TLE5: variants seen among roughly 807,000 people sequenced by gnomAD.
TLE5 encodes TLE family member 5.
A neutral mutation model predicts 25.8 loss-of-function variants in TLE5; 7 were observed. The observed-to-expected ratio is 0.27, with a 90% CI of 0.15 to 0.51. The LOEUF is 0.51. Ranked by LOEUF, TLE5 falls within the 20% of genes least tolerant of loss-of-function variation. The pLI is 0.97. For missense variants in TLE5, 149 were observed against 250.7 expected, an observed-to-expected ratio of 0.59 and a Z score of 2.74; for synonymous variants, 132 against 110.5, an observed-to-expected ratio of 1.20 and a Z score of -1.22.
Position 3,053,594 on chromosome 19 carries a change from C to A in TLE5, c.*225G>T. On this transcript the variant is annotated 3_prime_UTR_variant, in exon 7 of 7. Coordinates refer to ENST00000327141, the MANE Select transcript of TLE5 (RefSeq NM_001130.6). The stretch of plus-strand genomic sequence containing the variant: ...CCTCACATGTCAGGGCAGGTATCCA[C>A]CTAACCAGGCTGCAGGGGAGGAGGA... 1.7e-6 allele frequency: 1 copy of A among 598,610 alleles called. No homozygotes were observed. 37.1% of individuals were successfully genotyped at this position (598,610 alleles called of 1,614,324 possible). A position where few individuals can be genotyped will look rare whatever the true frequency, so the allele number is the denominator to read the frequency against.
chr19:3,059,514 C>A (rs559372862), intron 2 of TLE5, among the ~76,000 whole-genome samples: 1 of 152,238 alleles, frequency 6.6e-6, no homozygotes. Context: ...GAGCAAGACT[C>A]CGTCTCAAAA....
chr19:3,058,150 G>A (rs569157568), intron 2 of TLE5, among the ~76,000 whole-genome samples: 2 of 152,044 alleles, frequency 1.3e-5, no homozygotes, highest in South Asian at 2.1e-4. Flanking sequence ...CTGTAAGAAG[G>A]GGGTGATGAA....
chr19:3,062,631 G>A (rs2090282248), upstream of TLE5: 1 of 1,173,712 alleles, frequency 8.5e-7, no homozygotes. Flanking sequence ...CCCGTGGCCC[G>A]CCCGCCGCGG....
chr19:3,054,285 AC>A, intron 5 of TLE5, 91 bp from the exon 6 acceptor site: 4 of 1,263,088 alleles, frequency 3.2e-6, no homozygotes, highest in Non-Finnish European at 4.5e-6. Context: ...GAGGAGCCCC[AC>A]TACCAAGTGG....
At chr19:3,057,589 G>A (rs1406004694) in intron 3 of TLE5, 90 bp downstream of exon 3, 19 of 1,300,562 alleles carry the variant, frequency 1.5e-5, no homozygotes, top group Admixed American at 5.1e-5. Context: ...AGGTGGCCGG[G>A]GTTGAGGGAG....
intron 2 of TLE5, among the ~76,000 whole-genome samples, chr19:3,060,328 C>CTTTCT (rs2090254809): frequency 1.1e-5 from 1 of 93,216 alleles, no homozygotes; most frequent in African/African-American, 4.4e-5. Context: ...TTTTTTCTTT[C>CTTTCT]TTTTTTTTTT....
At chr19:3,058,800 T>A (rs975559863) in intron 2 of TLE5, among the ~76,000 whole-genome samples, 3 of 152,136 alleles carry the variant, frequency 2.0e-5, no homozygotes, top group African/African-American at 7.2e-5. Context: ...TCCTTTAACC[T>A]ACTTAAATCC....
intron 5 of TLE5, chr19:3,055,455 C>T (rs901990421): frequency 2.3e-5 from 9 of 393,816 alleles, no homozygotes; most frequent in African/African-American, 1.2e-4. Context: ...GGGTGAGGCC[C>T]GCCCCCCACA....
At chr19:3,054,453 G>A (rs972175483) in intron 5 of TLE5, 1 of 576,520 alleles carries the variant, frequency 1.7e-6, no homozygotes, top group African/African-American at 1.9e-5. Context: ...GTGCTAAGTA[G>A]TTAGGAAACA....
chr19:3,055,454 C>T (rs72973299), intron 5 of TLE5: 6 of 393,752 alleles, frequency 1.5e-5, no homozygotes, highest in Admixed American at 4.4e-5. Flanking sequence ...AGGGTGAGGC[C>T]CGCCCCCCAC....
Position 3,061,261 on chromosome 19 carries a change from T to C in TLE5, c.28-4A>G, listed in dbSNP as rs756158743. On this transcript the variant is annotated splice_polypyrimidine_tract_variant and splice_region_variant and intron_variant, in intron 1 of 6. Coordinates refer to ENST00000327141, the MANE Select transcript of TLE5 (RefSeq NM_001130.6). The stretch of plus-strand genomic sequence containing the variant: ...GCTGGGGTAGGTGCGAGGAGCCCTG[T>C]AGGGATGGGGCGGCCCGGGTCAGGC... The C allele has an allele frequency of 3.1e-6, 5 of 1,611,200 alleles. No homozygotes were observed. The East Asian group carries it at 8.9e-5, about 29-fold the overall frequency.
intron 2 of TLE5, among the ~76,000 whole-genome samples, chr19:3,060,282 G>C (rs915127723): frequency 6.6e-6 from 1 of 150,750 alleles, no homozygotes; most frequent in African/African-American, 2.4e-5. Context: ...CACCCCCGAG[G>C]AAATAACATC....
intron 3 of TLE5, chr19:3,056,700 CTT>C (rs770618709): frequency 1.9e-5 from 9 of 462,506 alleles, no homozygotes; most frequent in Non-Finnish European, 3.7e-5. Flanking sequence ...CTTTCTATGT[CTT>C]GTCTGCGGGT....
intron 3 of TLE5, chr19:3,056,729 G>A (rs1219262828): frequency 2.6e-5 from 10 of 382,240 alleles, no homozygotes; most frequent in Non-Finnish European, 3.6e-5. Context: ...AGACGCCAGG[G>A]AAGTTTGCCT....
At position 3,053,177 on chromosome 19, in the gene TLE5, A is replaced by G. The variant is rs2090188140; in HGVS notation, c.*642T>C. 6.6e-6 allele frequency: 1 copy of G among 151,876 alleles called. No individual in the cohort carries two copies. The highest frequency in any genetic ancestry group is 2.4e-5 in the African/African-American group (1 of 41,270). 9.4% of individuals were successfully genotyped at this position (151,876 alleles called of 1,614,324 possible). A position where few individuals can be genotyped will look rare whatever the true frequency, so the allele number is the denominator to read the frequency against. ...AGACAACTTTAGTACCCTCATCTTT[A>G]TTTGGGAAGGGGAGGGGGAATCCTG... is the stretch of plus-strand genomic sequence containing the variant. On this transcript the variant is annotated 3_prime_UTR_variant, in exon 7 of 7. Coordinates refer to ENST00000327141, the MANE Select transcript of TLE5 (RefSeq NM_001130.6).
Position 3,061,231 on chromosome 19 carries a change from G to T in TLE5, c.54C>A (p.Leu18=). The T allele has an allele frequency of 6.2e-7, 1 of 1,613,674 alleles. No homozygotes were observed. ...HSGSSHLPQQ[L]KFTTSDSCDR... is the part of the protein sequence containing the mutation. Reference sequence around the variant, plus strand: ...CGCAGGAGTCCGAGGTGGTGAATTTGAGTTGCTGGGGTAGGTGCGAGGAGC... The same window carrying T: ...CGCAGGAGTCCGAGGTGGTGAATTTTAGTTGCTGGGGTAGGTGCGAGGAGC... The change falls in exon 2 of 7, where the codon CTC becomes CTA. Residue 18 remains leucine, a synonymous_variant. Transcript: ENST00000327141.
At chr19:3,056,061 TGTGGG>T (rs1293861980) in intron 4 of TLE5, 31 of 509,708 alleles carry the variant, frequency 6.1e-5, no homozygotes, top group African/African-American at 3.3e-4. Flanking sequence ...GGCCGTAGGC[TGTGGG>T]GAAGGTCTCT....
intron 2 of TLE5, 68 bp from the exon 3 acceptor site, chr19:3,057,810 A>G: frequency 4.8e-6 from 7 of 1,463,972 alleles, no homozygotes; most frequent in Non-Finnish European, 5.7e-6. Context: ...ACCCTCCGTT[A>G]TCCAGGGGAG....
At chr19:3,061,895 G>GC (rs2090273039) in intron 1 of TLE5, among the ~76,000 whole-genome samples, 1 of 143,926 alleles carries the variant, frequency 6.9e-6, no homozygotes, top group Non-Finnish European at 1.5e-5. Flanking sequence ...TTGGGGGGGG[G>GC]GGGCGCCAAG....
Sources: gnomAD v4.1 joint callset for allele counts (sites outside exome capture counted in the v4.1 genomes callset) on GRCh38, gnomAD v4.1.1 for gene constraint, MANE v1.5 for transcripts, NCBI Gene and HGNC (gene_info 2026-07-23, HGNC 2026-07-21) for gene names.